The following ATXN7 variants were observed in gnomAD, a reference collection of about 807,000 sequenced individuals.
ATXN7 encodes ataxin 7.
ATXN7 carries 12 observed loss-of-function variants against 70.5 expected under a neutral mutation model. The ratio of observed to expected loss-of-function variants is 0.17; its 90% confidence interval spans 0.11 to 0.28. ATXN7 has a LOEUF of 0.28. Ranked by LOEUF, ATXN7 falls within the 10% of genes least tolerant of loss-of-function variation. The probability of loss-of-function intolerance (pLI) is 1.00; values close to 1 mark genes in which losing one functional copy is unlikely to be tolerated. For synonymous variants in ATXN7, 498 were observed against 448.7 expected (o/e 1.11, Z -1.39); for missense variants, 1,256 against 1,131.7 (o/e 1.11, Z -1.58).
intron 4 of ATXN7, among the ~76,000 whole-genome samples, chr3:63,915,618 T>C (rs1383842184): frequency 1.3e-5 from 2 of 152,172 alleles, no homozygotes; most frequent in Admixed American, 6.5e-5. Flanking sequence ...TCTTGTTAAA[T>C]TGAAGAAATA....
At chr3:63,997,147 A>T (rs1393836492) in intron 12 of ATXN7, among the ~76,000 whole-genome samples, 1 of 152,110 alleles carries the variant, frequency 6.6e-6, no homozygotes, top group Non-Finnish European at 1.5e-5. Context: ...AATCCCAGCT[A>T]CTCAGGAGGT....
chr3:63,912,521 T>C (rs1704069830), intron 2 of ATXN7, 67 bp from the exon 3 acceptor site: 4 of 1,009,528 alleles, frequency 4.0e-6, no homozygotes, highest in African/African-American at 3.5e-5. Flanking sequence ...CCGCCGGAAC[T>C]CCCTGGCGCC....
intron 5 of ATXN7, among the ~76,000 whole-genome samples, chr3:63,973,104 G>A (rs1460469410): frequency 6.6e-6 from 1 of 152,212 alleles, no homozygotes; most frequent in Non-Finnish European, 1.5e-5. Flanking sequence ...CGAGGATGGA[G>A]TGAGCTGGTT....
At chr3:63,903,662 A>G (rs1420078739) in intron 2 of ATXN7, 2 of 152,214 alleles carry the variant, frequency 1.3e-5, no homozygotes, top group African/African-American at 4.8e-5. Context: ...TTGACTCTTC[A>G]TAAGCTGATG....
At position 63,902,358 on chromosome 3, in the gene ATXN7, G is replaced by A. The variant is rs568891962; in HGVS notation, c.-12+3861G>A. 6.6e-5 allele frequency among the ~76,000 whole-genome samples: 10 copies of A among 152,204 alleles called. 1 individual carries two copies. In the South Asian group the frequency reaches 1.9e-3, roughly 28 times the overall value. ...TTGGAGGTTGAGGGTGCAGTGAGCC[G>A]TGATTGCACCAGCTGGATTGCACTT... On this transcript the variant is annotated intron_variant, in intron 2 of 12. Coordinates refer to ENST00000674280, the MANE Select transcript of ATXN7 (RefSeq NM_001377405.1).
chr3:63,938,457 CT>C (rs575806259), intron 4 of ATXN7, among the ~76,000 whole-genome samples: 6 of 152,214 alleles, frequency 3.9e-5, no homozygotes, highest in Non-Finnish European at 8.8e-5. Flanking sequence ...TAACACTCCC[CT>C]TTCCCCTCTT....
Position 63,995,941 on chromosome 3 carries a change from C to T in ATXN7, c.2119C>T (p.Arg707Cys), listed in dbSNP as rs1337758154. The T allele has an allele frequency of 2.7e-5, 44 of 1,614,042 alleles. No homozygotes were observed. The highest frequency in any genetic ancestry group is 1.6e-4 in the Middle Eastern group (1 of 6,084). The change falls in exon 12 of 13, where the codon CGC becomes TGC. Residue 707 changes from arginine (R) to cysteine (C), a missense_variant. Coordinates refer to ENST00000674280, the MANE Select transcript of ATXN7 (RefSeq NM_001377405.1). Reference sequence around the variant, plus strand: ...TACCAGTGGCGGCTCAGGAAAGAAACGCAAAAACAGTTCCCCACTGTTGGT... The same window carrying T: ...TACCAGTGGCGGCTCAGGAAAGAAATGCAAAAACAGTTCCCCACTGTTGGT... ...SSTSGGSGKK[R>C]KNSSPLLVHS...
intron 1 of ATXN7, among the ~76,000 whole-genome samples, chr3:63,872,237 A>G (rs1323078678): frequency 6.6e-6 from 1 of 152,254 alleles, no homozygotes; most frequent in Non-Finnish European, 1.5e-5. Context: ...TAGAAATATT[A>G]CGATAATTCA....
chr3:63,863,745 C>T, upstream of ATXN7: 1 of 1,249,354 alleles, frequency 8.0e-7, no homozygotes, highest in Non-Finnish European at 1.0e-6. Context: ...GTGCAGCGGG[C>T]GCGTGTGGCG....
At chr3:63,986,621 A>G (rs2075582480) in intron 8 of ATXN7, among the ~76,000 whole-genome samples, 1 of 152,230 alleles carries the variant, frequency 6.6e-6, no homozygotes, top group African/African-American at 2.4e-5. Flanking sequence ...CTGGTACAAC[A>G]CAAACAAAAC....
intron 4 of ATXN7, among the ~76,000 whole-genome samples, chr3:63,942,462 C>T (rs1559640723): frequency 6.6e-6 from 1 of 152,178 alleles, no homozygotes; most frequent in Non-Finnish European, 1.5e-5. Flanking sequence ...CGTATCAACA[C>T]TTCGCAGGGT....
At position 63,999,687 on chromosome 3, in the gene ATXN7, C is replaced by T; in HGVS notation, c.*220C>T. The stretch of plus-strand genomic sequence containing the variant: ...ATAAAGGACACTGGATCAAGTTCAG[C>T]CACCGAATTGCTTTTATCAGTGTTA... On this transcript the variant is annotated 3_prime_UTR_variant, in exon 13 of 13. Transcript: ENST00000674280. 1.3e-6 allele frequency: 1 copy of T among 777,128 alleles called. No individual in the cohort carries two copies. 48.1% of individuals were successfully genotyped at this position (777,128 alleles called of 1,614,324 possible).
intron 2 of ATXN7, among the ~76,000 whole-genome samples, chr3:63,903,472 T>C (rs111774324): frequency 0.027 from 4,068 of 152,072 alleles, 70 homozygotes; most frequent in Middle Eastern, 0.048. Flanking sequence ...TTGGCTGTCA[T>C]TGCACTTCTT....
rs937464089 is a variant in ATXN7, at chr3:63,998,139, C to A, written c.2662-1311C>A. On this transcript the variant is annotated intron_variant, in intron 12 of 12. Coordinates refer to ENST00000674280, the MANE Select transcript of ATXN7 (RefSeq NM_001377405.1). ...CATCTCACATCTGTATTAGTGAGCA[C>A]ACTGTCTTCATTTAGACAGGAGTGT... The A allele has an allele frequency of 1.0e-5, 10 of 981,430 alleles. No homozygotes were observed. In the African/African-American group the frequency reaches 1.8e-4, roughly 18 times the overall value. The allele number at this position is 981,430 out of a possible 1,614,324, so 60.8% of individuals were successfully genotyped here.
At chr3:63,890,244 A>G (rs1214259162) in intron 1 of ATXN7, among the ~76,000 whole-genome samples, 6 of 152,232 alleles carry the variant, frequency 3.9e-5, no homozygotes, top group African/African-American at 1.4e-4. Flanking sequence ...AGAGTGAGAC[A>G]TAGTGCATAT....
intron 4 of ATXN7, among the ~76,000 whole-genome samples, chr3:63,925,964 AT>A (rs1201461564): frequency 6.6e-6 from 1 of 152,296 alleles, no homozygotes; most frequent in Admixed American, 6.5e-5. Flanking sequence ...CATTGTAGAA[AT>A]GAATTGGTGG....
chr3:63,958,714 C>T (rs1174433408), intron 5 of ATXN7, among the ~76,000 whole-genome samples: 10 of 152,096 alleles, frequency 6.6e-5, no homozygotes, highest in African/African-American at 1.9e-4. Flanking sequence ...CTAATGATAA[C>T]TTTTAATAGT....
intron 4 of ATXN7, among the ~76,000 whole-genome samples, chr3:63,933,018 T>A (rs2074586180): frequency 6.6e-6 from 1 of 152,224 alleles, no homozygotes; most frequent in Non-Finnish European, 1.5e-5. Context: ...AGTCCTACAG[T>A]TATTTTTACA....
intron 4 of ATXN7, among the ~76,000 whole-genome samples, chr3:63,922,490 C>T (rs1358339535): frequency 6.6e-6 from 1 of 152,180 alleles, no homozygotes; most frequent in East Asian, 1.9e-4. Flanking sequence ...TGTACTTGCT[C>T]ATCTTCTGGA....
Sources: allele counts gnomAD v4.1 joint callset (sites outside exome capture counted in the v4.1 genomes callset), GRCh38; gene constraint gnomAD v4.1.1; transcripts MANE v1.5; gene names NCBI Gene and HGNC (gene_info 2026-07-23, HGNC 2026-07-21).